The following AMOTL1 variants were observed in gnomAD, a reference collection of about 807,000 sequenced individuals.
AMOTL1 encodes the protein angiomotin like 1.
Under a neutral mutation model 102.9 loss-of-function variants are expected in AMOTL1, and 45 were observed. The observed-to-expected ratio is 0.44, with a 90% CI of 0.34 to 0.56. The LOEUF (loss-of-function observed/expected upper bound fraction) is 0.56, where lower values mean the gene tolerates loss of function less well. Ranked by LOEUF, AMOTL1 falls within the 20% of genes least tolerant of loss-of-function variation. The pLI, the probability that AMOTL1 is intolerant of heterozygous loss-of-function variation, is 0.01. For synonymous variants in AMOTL1, 481 were observed against 484.7 expected (o/e 0.99, Z 0.10); for missense variants, 1,114 against 1,225.6 (o/e 0.91, Z 1.36).
In AMOTL1 at chr11:94,796,795, G is replaced by A. The variant is rs145963522; in HGVS notation, c.199+1635G>A. ...TTTTTCATATTTTAATACCAAAAAT[G>A]TAGGAGGGATGTGATCCTTGACAGT... is the stretch of plus-strand genomic sequence containing the variant. On this transcript the variant is annotated intron_variant, in intron 2 of 12. Coordinates refer to ENST00000433060, the MANE Select transcript of AMOTL1 (RefSeq NM_130847.3). Among the ~76,000 whole-genome samples the A allele has an allele frequency of 5.5e-3, 832 of 152,282 alleles. 7 individuals carry two copies. The highest frequency in any genetic ancestry group is 8.0e-3 in the Non-Finnish European group (545 of 68,020).
intron 2 of AMOTL1, chr11:94,740,805 G>A (rs1294332187): frequency 1.7e-5 from 11 of 653,152 alleles, no homozygotes; most frequent in Non-Finnish European, 2.4e-5. Flanking sequence ...CGGGGCCTCC[G>A]GCTCAGGGAT....
chr11:94,731,980 A>C (rs186331311), intron 2 of AMOTL1, among the ~76,000 whole-genome samples: 1 of 152,318 alleles, frequency 6.6e-6, no homozygotes, highest in African/African-American at 2.4e-5. Context: ...TTCTCATCCA[A>C]GCTCACAGCA....
At chr11:94,718,459 G>T (rs1474998153) in intron 1 of AMOTL1, among the ~76,000 whole-genome samples, 1 of 151,900 alleles carries the variant, frequency 6.6e-6, no homozygotes, top group Non-Finnish European at 1.5e-5. Context: ...TAAATCAAAT[G>T]ACATATGAAT....
chr11:94,725,167 G>A (rs764297876), intron 1 of AMOTL1, among the ~76,000 whole-genome samples: 1 of 152,136 alleles, frequency 6.6e-6, no homozygotes, highest in African/African-American at 2.4e-5. Context: ...TGGGGAAGGA[G>A]GCAGGAGTAT....
chr11:94,845,505 T>C (rs1952392131), intron 6 of AMOTL1, among the ~76,000 whole-genome samples: 1 of 152,234 alleles, frequency 6.6e-6, no homozygotes, highest in Non-Finnish European at 1.5e-5. Context: ...CAGGAATATA[T>C]GTTAGCTCTT....
At chr11:94,870,310 G>A (rs1463619016) in intron 12 of AMOTL1, among the ~76,000 whole-genome samples, 1 of 152,190 alleles carries the variant, frequency 6.6e-6, no homozygotes, top group Non-Finnish European at 1.5e-5. Context: ...ATTTTTCAAA[G>A]TAGACAAGTA....
chr11:94,852,271 G>C (rs999786294), intron 7 of AMOTL1, among the ~76,000 whole-genome samples: 2 of 152,210 alleles, frequency 1.3e-5, no homozygotes, highest in African/African-American at 4.8e-5. Flanking sequence ...TCTCCTCCTT[G>C]AAAGGTCAAA....
At chr11:94,816,493 G>A (rs1951768634) in intron 3 of AMOTL1, among the ~76,000 whole-genome samples, 1 of 152,196 alleles carries the variant, frequency 6.6e-6, no homozygotes, top group Admixed American at 6.5e-5. Context: ...TGGCACTGCA[G>A]AAGATCTTTT....
At chr11:94,744,628 CT>C (rs1016400597) in intron 3 of AMOTL1, among the ~76,000 whole-genome samples, 19 of 151,740 alleles carry the variant, frequency 1.3e-4, no homozygotes, top group East Asian at 7.8e-4. Context: ...GAAATTCCAA[CT>C]TTTTTTTTCC....
intron 1 of AMOTL1, among the ~76,000 whole-genome samples, chr11:94,725,404 T>C (rs1342466264): frequency 6.6e-6 from 1 of 152,142 alleles, no homozygotes; most frequent in Non-Finnish European, 1.5e-5. Context: ...CATGTTAAGC[T>C]GAAATACACT....
chr11:94,832,826 G>T (rs949811003), intron 6 of AMOTL1, among the ~76,000 whole-genome samples: 4 of 152,236 alleles, frequency 2.6e-5, no homozygotes, highest in Non-Finnish European at 4.4e-5. Flanking sequence ...TGTTAGCAAT[G>T]CCAGTGTTGT....
At chr11:94,859,042 C>A (rs1952721912) in intron 8 of AMOTL1, among the ~76,000 whole-genome samples, 1 of 152,172 alleles carries the variant, frequency 6.6e-6, no homozygotes, top group Non-Finnish European at 1.5e-5. Flanking sequence ...CAATTTGGGG[C>A]ATCTCCCACT....
rs1400571404 is a variant in AMOTL1, at chr11:94,864,896, T to G, written c.2261+36T>G. Reference sequence around the variant, plus strand: ...ACTATGTGTGACGTGTGGGGCCCGCTGCATTCACACTCCAGGCCTTCCAGA... The same window carrying G: ...ACTATGTGTGACGTGTGGGGCCCGCGGCATTCACACTCCAGGCCTTCCAGA... On this transcript the variant is annotated intron_variant, in intron 10 of 12. Coordinates refer to ENST00000433060, the MANE Select transcript of AMOTL1 (RefSeq NM_130847.3). The G allele has an allele frequency of 2.5e-6, 4 of 1,600,632 alleles. No individual in the cohort carries two copies. In the Admixed American group the frequency reaches 5.1e-5, roughly 20 times the overall value.
rs61893495 is a variant in AMOTL1, at chr11:94,798,639, C to T, written c.200-751C>T. ...GGGTAGGTGTGGTGTCACTGGGAGA[C>T]GCATAAAGGTGGAAGAGCACTCAGG... On this transcript the variant is annotated intron_variant, in intron 2 of 12. Transcript: ENST00000433060. Among the ~76,000 whole-genome samples, 993 of 151,970 alleles carry T rather than the reference C, an allele frequency of 6.5e-3. 9 individuals carry two copies. The highest frequency in any genetic ancestry group is 0.01 in the Middle Eastern group (3 of 294).
At chr11:94,761,221 C>G (rs1360460399) in intron 3 of AMOTL1, among the ~76,000 whole-genome samples, 2 of 143,704 alleles carry the variant, frequency 1.4e-5, no homozygotes, top group Non-Finnish European at 3.0e-5. Flanking sequence ...CAGAGTCTTG[C>G]TCTGTTACCC....
At chr11:94,746,230 T>C (rs1950588964) in intron 3 of AMOTL1, among the ~76,000 whole-genome samples, 1 of 152,176 alleles carries the variant, frequency 6.6e-6, no homozygotes, top group Non-Finnish European at 1.5e-5. Context: ...AAATATGCTT[T>C]CTTTCTTGAG....
intron 3 of AMOTL1, among the ~76,000 whole-genome samples, chr11:94,755,871 C>T (rs1053072371): frequency 6.8e-6 from 1 of 147,854 alleles, no homozygotes; most frequent in Non-Finnish European, 1.5e-5. Context: ...CTCAGTTAGA[C>T]CCTCTGCCTT....
chr11:94,770,778 G>A (rs996180235), intron 1 of AMOTL1, among the ~76,000 whole-genome samples: 2 of 152,156 alleles, frequency 1.3e-5, no homozygotes, highest in Non-Finnish European at 2.9e-5. Context: ...AAGTGCTGTC[G>A]TTAAGAAAAA....
chr11:94,812,211 G>A (rs1226756999), intron 3 of AMOTL1, among the ~76,000 whole-genome samples: 1 of 152,154 alleles, frequency 6.6e-6, no homozygotes, highest in African/African-American at 2.4e-5. Flanking sequence ...TTTCCAATTT[G>A]TGAACCCCAA....
Sources: gnomAD v4.1 joint callset for allele counts (sites outside exome capture counted in the v4.1 genomes callset) on GRCh38, gnomAD v4.1.1 for gene constraint, MANE v1.5 for transcripts, NCBI Gene and HGNC (gene_info 2026-07-23, HGNC 2026-07-21) for gene names.